SDK1: variants seen among roughly 807,000 people sequenced by gnomAD.
SDK1 encodes the protein protein sidekick-1.
SDK1 carries 157 observed loss-of-function variants against 245.5 expected under a neutral mutation model. That is an observed-to-expected ratio of 0.64 (90% CI 0.56 to 0.73). The LOEUF (loss-of-function observed/expected upper bound fraction) is 0.73, where lower values mean the gene tolerates loss of function less well. Among genes scored for constraint, SDK1 ranks in the 30% least tolerant of loss-of-function variants. The pLI is 0.00. For missense variants in SDK1, 3,583 were observed against 3,002.3 expected (o/e 1.19, Z -4.52); for synonymous variants, 1,647 against 1,278.5 (o/e 1.29, Z -6.15).
At chr7:4,251,997 G>A (rs1402366810) in intron 44 of SDK1, among the ~76,000 whole-genome samples, 1 of 152,148 alleles carries the variant, frequency 6.6e-6, no homozygotes, top group African/African-American at 2.4e-5. Context: ...CTAATGTTTG[G>A]ATGTTAAACC....
chr7:3,999,444 C>G (rs1784914821), intron 14 of SDK1, among the ~76,000 whole-genome samples: 1 of 152,210 alleles, frequency 6.6e-6, no homozygotes, highest in Non-Finnish European at 1.5e-5. Flanking sequence ...GAAAGTGGAT[C>G]TGAGGATCAA....
intron 4 of SDK1, among the ~76,000 whole-genome samples, chr7:3,760,630 T>G (rs571450832): frequency 1.3e-5 from 2 of 152,304 alleles, no homozygotes; most frequent in East Asian, 3.9e-4. Context: ...GGATTGTGAT[T>G]TGGGGGACTT....
intron 4 of SDK1, among the ~76,000 whole-genome samples, chr7:3,681,775 A>C (rs774650307): frequency 6.6e-6 from 1 of 152,206 alleles, no homozygotes; most frequent in Non-Finnish European, 1.5e-5. Context: ...CAGCCAAAAG[A>C]TAGCTTTCTA....
chr7:3,318,507 T>A (rs191539829), intron 1 of SDK1, among the ~76,000 whole-genome samples: 1 of 152,368 alleles, frequency 6.6e-6, no homozygotes, highest in East Asian at 1.9e-4. Flanking sequence ...CATTAATTTA[T>A]CAGATCAAAT....
chr7:4,225,348 C>A (rs931724633), intron 40 of SDK1, among the ~76,000 whole-genome samples: 8 of 152,164 alleles, frequency 5.3e-5, no homozygotes, highest in African/African-American at 1.9e-4. Context: ...CCACGGTGTC[C>A]GTCCTCCCCA....
intron 20 of SDK1, among the ~76,000 whole-genome samples, chr7:4,070,945 C>CAG (rs1780219581): frequency 6.6e-6 from 1 of 151,750 alleles, no homozygotes; most frequent in South Asian, 2.1e-4. Flanking sequence ...CTCCTGACCT[C>CAG]GTGATCCACC....
In SDK1 at chr7:4,242,918, C is replaced by G. The variant is rs146035104; in HGVS notation, c.6251+1005C>G. ...GTGGGCCTTCTCCCAGCCACTGACG[C>G]TCTGCCAGCCCCACAGGTGCCAGTC... is the stretch of plus-strand genomic sequence containing the variant. On this transcript the variant is annotated intron_variant, in intron 43 of 44. Transcript: ENST00000404826. Among the ~76,000 whole-genome samples the G allele has an allele frequency of 1.2e-3, 178 of 152,360 alleles. 2 individuals are homozygous for G. The highest frequency in any genetic ancestry group is 8.9e-3 in the East Asian group (46 of 5,182).
At chr7:3,373,192 A>G (rs1372037647) in intron 1 of SDK1, among the ~76,000 whole-genome samples, 1 of 152,138 alleles carries the variant, frequency 6.6e-6, no homozygotes, top group Non-Finnish European at 1.5e-5. Context: ...AGCCTACCCT[A>G]CCTTAAACGT....
chr7:3,904,519 C>G (rs1342118170), intron 5 of SDK1, among the ~76,000 whole-genome samples: 1 of 152,002 alleles, frequency 6.6e-6, no homozygotes, highest in African/African-American at 2.4e-5. Context: ...CAGGGCAAGA[C>G]CCTGTCTCTA....
At position 3,726,507 on chromosome 7, in the gene SDK1, G is replaced by T. The variant is rs550727192; in HGVS notation, c.713+84402G>T. Among the ~76,000 whole-genome samples the T allele has an allele frequency of 6.6e-5, 10 of 152,244 alleles. No homozygotes were observed. The South Asian group carries it at 8.3e-4, about 13-fold the overall frequency. ...AGGAAGTAAATGAATTCTTTGTTTT[G>T]TATTTTGTTAGCACTTTCTAAAGTA... On this transcript the variant is annotated intron_variant, in intron 4 of 44. Transcript: ENST00000404826.
chr7:3,459,030 C>T (rs921468719), intron 1 of SDK1, among the ~76,000 whole-genome samples: 6 of 152,104 alleles, frequency 3.9e-5, no homozygotes, highest in African/African-American at 4.8e-5. Context: ...TACACGTAAA[C>T]ACAGACCAAA....
At chr7:4,161,163 G>T (rs1781095441) in intron 31 of SDK1, among the ~76,000 whole-genome samples, 1 of 152,178 alleles carries the variant, frequency 6.6e-6, no homozygotes, top group Non-Finnish European at 1.5e-5. Flanking sequence ...CTTGGATGTG[G>T]CAGATGACAA....
chr7:3,843,618 A>T (rs2115091820), intron 5 of SDK1, among the ~76,000 whole-genome samples: 1 of 152,312 alleles, frequency 6.6e-6, no homozygotes, highest in Non-Finnish European at 1.5e-5. Context: ...CTAAAACAAT[A>T]TTATTGTGGG....
intron 1 of SDK1, among the ~76,000 whole-genome samples, chr7:3,320,243 T>C (rs1583678155): frequency 6.6e-6 from 1 of 151,054 alleles, no homozygotes; most frequent in South Asian, 2.1e-4. Flanking sequence ...TTTCCAGATA[T>C]CTTTGCCATC....
chr7:3,687,489 A>G (rs1233069275), intron 4 of SDK1, among the ~76,000 whole-genome samples: 1 of 152,224 alleles, frequency 6.6e-6, no homozygotes, highest in Non-Finnish European at 1.5e-5. Flanking sequence ...CTCAGCTGGT[A>G]ACAGATATCG....
intron 1 of SDK1, among the ~76,000 whole-genome samples, chr7:3,552,829 G>C (rs1377099003): frequency 6.6e-6 from 1 of 152,194 alleles, no homozygotes; most frequent in African/African-American, 2.4e-5. Context: ...TTACTCTGAT[G>C]TTCAATAAAT....
intron 4 of SDK1, among the ~76,000 whole-genome samples, chr7:3,820,213 G>T (rs554502855): frequency 6.6e-6 from 1 of 152,016 alleles, no homozygotes; most frequent in African/African-American, 2.4e-5. Context: ...GTGGCGGCGT[G>T]ATCTCAGCTC....
chr7:4,011,134 G>A (rs1249600670), intron 15 of SDK1, 21 bp downstream of exon 15: 3 of 1,611,594 alleles, frequency 1.9e-6, no homozygotes, highest in South Asian at 2.2e-5. Flanking sequence ...CCCGCCCCAG[G>A]TGGGGGTGTG....
At chr7:4,077,240 T>A in intron 21 of SDK1, 51 bp downstream of exon 21, 1 of 1,557,652 alleles carries the variant, frequency 6.4e-7, no homozygotes, top group Non-Finnish European at 8.8e-7. Context: ...TCTTGGAGAT[T>A]CCCGAGGCTA....
Sources: gnomAD v4.1 joint callset for allele counts (sites outside exome capture counted in the v4.1 genomes callset) on GRCh38, gnomAD v4.1.1 for gene constraint, MANE v1.5 for transcripts, NCBI Gene and HGNC (gene_info 2026-07-23, HGNC 2026-07-21) for gene names.